OR9Q1: variants seen among roughly 807,000 people sequenced by gnomAD.
OR9Q1 encodes the protein olfactory receptor 9Q1.
For synonymous variants in OR9Q1, 153 were observed against 148.6 expected (o/e 1.03, Z -0.22); for missense variants, 374 against 378.8 (o/e 0.99, Z 0.11).
chr11:58,031,251 A>G (rs921135), intron 1 of OR9Q1: 514,337 of 1,613,600 alleles, frequency 0.32, 86,698 homozygotes, highest in East Asian at 0.67. Flanking sequence ...TCTTATGCTG[A>G]TTGCCTATCC....
chr11:58,179,676 G>C lies in OR9Q1; in HGVS notation c.232G>C (p.Val78Leu). ...GGACGTCTGCTACTCATCTATCACT[G>C]TCCCCCAGATGCTGGCAGTGCTGCT... Reference protein sequence around the residue: ...FMDVCYSSITVPQMLAVLLEH... With the variant: ...FMDVCYSSITLPQMLAVLLEH... The change falls in exon 3 of 3, where the codon GTC becomes CTC. Residue 78 changes from valine (V) to leucine (L), a missense_variant. Transcript: ENST00000335397. The C allele has an allele frequency of 1.2e-6, 2 of 1,614,042 alleles. No homozygotes were observed. The highest frequency in any genetic ancestry group is 8.5e-7 in the Non-Finnish European group (1 of 1,179,946).
chr11:58,110,621 A>G (rs549015780), intron 2 of OR9Q1, among the ~76,000 whole-genome samples: 19 of 152,324 alleles, frequency 1.2e-4, no homozygotes, highest in Admixed American at 1.2e-3. Context: ...CAAGTGCTGA[A>G]GCCAAGATTT....
intron 2 of OR9Q1, among the ~76,000 whole-genome samples, chr11:58,071,349 G>A (rs918127347): frequency 1.3e-5 from 2 of 152,036 alleles, no homozygotes; most frequent in African/African-American, 2.4e-5. Context: ...TTAGCCAGGC[G>A]TGGTGGTGCA....
chr11:58,092,088 C>T (rs1480890422), intron 2 of OR9Q1, among the ~76,000 whole-genome samples: 1 of 151,926 alleles, frequency 6.6e-6, no homozygotes, highest in Non-Finnish European at 1.5e-5. Context: ...TGGGTCTTGC[C>T]TCTTTATCCA....
chr11:58,123,047 C>G (rs1854051470), intron 2 of OR9Q1, among the ~76,000 whole-genome samples: 1 of 151,382 alleles, frequency 6.6e-6, no homozygotes, highest in Non-Finnish European at 1.5e-5. Flanking sequence ...ACTGTGAGTG[C>G]TTTGCATATA....
intron 1 of OR9Q1, among the ~76,000 whole-genome samples, chr11:58,041,995 G>T (rs1441949567): frequency 6.6e-6 from 1 of 152,194 alleles, no homozygotes; most frequent in East Asian, 1.9e-4. Flanking sequence ...TGGTAATGTT[G>T]TAATTCATAG....
At chr11:58,094,541 T>C (rs895768313) in intron 2 of OR9Q1, among the ~76,000 whole-genome samples, 5 of 152,190 alleles carry the variant, frequency 3.3e-5, no homozygotes, top group Non-Finnish European at 7.3e-5. Context: ...ATTTTATCTC[T>C]GACAGAATGA....
chr11:58,118,898 G>C (rs141404154), intron 2 of OR9Q1: 2 of 1,614,054 alleles, frequency 1.2e-6, no homozygotes, highest in South Asian at 1.1e-5. Flanking sequence ...TTCAGCAGGG[G>C]TGGGAGGTCA....
At chr11:58,059,972 C>G (rs901021445) in intron 2 of OR9Q1, 2 of 152,130 alleles carry the variant, frequency 1.3e-5, no homozygotes, top group African/African-American at 2.4e-5. Flanking sequence ...CTCTGAGCTC[C>G]AGAAGGGCTG....
intron 2 of OR9Q1, chr11:58,119,118 G>T: frequency 6.2e-7 from 1 of 1,614,030 alleles, no homozygotes; most frequent in African/African-American, 1.3e-5. Flanking sequence ...AGCACTCTGT[G>T]CCTGCACAGA....
intron 2 of OR9Q1, chr11:58,119,080 C>G: frequency 6.2e-7 from 1 of 1,613,900 alleles, no homozygotes. Flanking sequence ...GGCAGCATAG[C>G]GATCATAGGC....
chr11:58,129,756 A>G (rs930277926), intron 2 of OR9Q1, among the ~76,000 whole-genome samples: 1 of 152,040 alleles, frequency 6.6e-6, no homozygotes, highest in African/African-American at 2.4e-5. Flanking sequence ...GCTACTCCAA[A>G]TAGTTTCTGT....
intron 2 of OR9Q1, chr11:58,118,838 C>T (rs1334649895): frequency 6.2e-7 from 1 of 1,613,890 alleles, no homozygotes; most frequent in African/African-American, 1.3e-5. Flanking sequence ...ACAAAATTGC[C>T]AAAGAAGATG....
intron 2 of OR9Q1, chr11:58,118,287 T>G: frequency 2.0e-6 from 1 of 491,916 alleles, no homozygotes; most frequent in Admixed American, 3.6e-5. Flanking sequence ...TGCTAAGGAA[T>G]GGATTGAAAG....
At chr11:58,031,616 T>C (rs142774270) in intron 1 of OR9Q1, 99 of 1,612,110 alleles carry the variant, frequency 6.1e-5, no homozygotes, top group Non-Finnish European at 8.3e-5. Context: ...TGCTGTGTCC[T>C]ATGGCAACAT....
intron 2 of OR9Q1, among the ~76,000 whole-genome samples, chr11:58,067,075 A>T (rs1242688049): frequency 6.6e-6 from 1 of 150,530 alleles, no homozygotes; most frequent in East Asian, 2.0e-4. Flanking sequence ...TCTGTCGCCC[A>T]GGCTGGAGTG....
intron 2 of OR9Q1, among the ~76,000 whole-genome samples, chr11:58,161,064 G>A (rs368079625): frequency 4.0e-5 from 6 of 151,310 alleles, no homozygotes; most frequent in Admixed American, 2.6e-4. Context: ...GGGACACAGG[G>A]CGGGGAACAT....
rs80177087 is a variant in OR9Q1 at position 58,066,661 on chromosome 11, T to C, written c.-15+10714T>C. Among the ~76,000 whole-genome samples the C allele has an allele frequency of 5.7e-3, 875 of 152,290 alleles. 7 individuals carry two copies. Among genetic ancestry groups the C allele is most frequent in the African/African-American group, 0.019 (788 of 41,558 alleles). ...TCCTTACTTTCAGGCCGAAGTTGAC[T>C]GGCAGAGACAGCCCCAGGGTATAGG... is the stretch of plus-strand genomic sequence containing the variant. On this transcript the variant is annotated intron_variant, in intron 2 of 2. Transcript: ENST00000335397.
intron 2 of OR9Q1, among the ~76,000 whole-genome samples, chr11:58,133,780 T>C (rs1006252097): frequency 6.6e-6 from 1 of 152,230 alleles, no homozygotes; most frequent in African/African-American, 2.4e-5. Context: ...TGATTCAGCA[T>C]GACGCCATTG....
Sources: gnomAD v4.1 joint callset for allele counts (sites outside exome capture counted in the v4.1 genomes callset) on GRCh38, gnomAD v4.1.1 for gene constraint, MANE v1.5 for transcripts, NCBI Gene and HGNC (gene_info 2026-07-23, HGNC 2026-07-21) for gene names.